NDUFAF6: variants seen among roughly 807,000 people sequenced by gnomAD.
The protein encoded by NDUFAF6 is NADH:ubiquinone oxidoreductase complex assembly factor 6, also known as NADH dehydrogenase (ubiquinone) complex I, assembly factor 6.
NDUFAF6 carries 45 observed loss-of-function variants against 40.8 expected under a neutral mutation model. The observed-to-expected ratio is 1.10, with a 90% CI of 0.87 to 1.42. NDUFAF6 has a LOEUF of 1.42. NDUFAF6 is among the 40% of genes most tolerant of loss of function. The pLI is 0.00. For synonymous variants in NDUFAF6, 185 were observed against 155.9 expected (o/e 1.19, Z -1.39); for missense variants, 435 against 418.5 (o/e 1.04, Z -0.34).
intron 2 of NDUFAF6, among the ~76,000 whole-genome samples, chr8:95,101,671 A>G (rs1018714784): frequency 1.3e-5 from 2 of 152,214 alleles, no homozygotes; most frequent in Admixed American, 6.5e-5. Context: ...TTTTCATATC[A>G]TCCCCTCAGA....
chr8:95,047,508 C>CTTTTTT (rs373655223), intron 6 of NDUFAF6, among the ~76,000 whole-genome samples: 99 of 126,374 alleles, frequency 7.8e-4, no homozygotes, highest in South Asian at 1.3e-3. Context: ...CTTTTCTTTT[C>CTTTTTT]TTTTTTTTTT....
chr8:95,049,030 A>G (rs540361235), intron 7 of NDUFAF6, among the ~76,000 whole-genome samples: 15 of 152,182 alleles, frequency 9.9e-5, no homozygotes, highest in African/African-American at 2.7e-4. Context: ...TTTCTCTCCT[A>G]GGTGAACTCT....
intron 1 of NDUFAF6, among the ~76,000 whole-genome samples, chr8:94,923,589 T>C (rs1819646156): frequency 6.6e-6 from 1 of 152,210 alleles, no homozygotes; most frequent in Admixed American, 6.5e-5. Context: ...TTTCTTCCTG[T>C]ATTTCTTTTG....
At chr8:95,091,704 A>G (rs1451470341) in intron 2 of NDUFAF6, among the ~76,000 whole-genome samples, 1 of 151,416 alleles carries the variant, frequency 6.6e-6, no homozygotes, top group Non-Finnish European at 1.5e-5. Context: ...CAGTGGCGCC[A>G]TCCTGGCTCA....
intron 7 of NDUFAF6, among the ~76,000 whole-genome samples, chr8:95,051,424 A>G (rs1432131312): frequency 6.6e-6 from 1 of 152,220 alleles, no homozygotes; most frequent in South Asian, 2.1e-4. Flanking sequence ...ATGGATGATC[A>G]TAGAGTAATT....
chr8:95,022,576 T>A (rs1390961547), upstream of NDUFAF6, among the ~76,000 whole-genome samples: 1 of 142,684 alleles, frequency 7.0e-6, no homozygotes, highest in Admixed American at 7.2e-5. Context: ...ACCTTCCTAA[T>A]CTTTACCCCT....
At chr8:95,004,939 A>G (rs1018218268) in intron 2 of NDUFAF6, among the ~76,000 whole-genome samples, 1 of 152,150 alleles carries the variant, frequency 6.6e-6, no homozygotes, top group African/African-American at 2.4e-5. Flanking sequence ...GGAAGGGTCA[A>G]AGATAATTCT....
intron 8 of NDUFAF6, 45 bp from the exon 9 acceptor site, chr8:95,057,764 C>G (rs1473912836): frequency 2.2e-6 from 3 of 1,358,980 alleles, no homozygotes; most frequent in Non-Finnish European, 3.0e-6. Context: ...TTTTTTAAGT[C>G]TTGATCATTT....
chr8:95,003,164 A>G lies in NDUFAF6; in HGVS notation c.-84+22191A>G, dbSNP rs973578243. On this transcript the variant is annotated intron_variant, in intron 2 of 9. Coordinates refer to the NDUFAF6 transcript ENST00000396111. ...ATCCACAATGAATGAAGGAGGGGCA[A>G]TTCTCTAACTACAGGTTGCAACTGG... Among the ~76,000 whole-genome samples, 8 of 152,214 alleles carry G rather than the reference A, an allele frequency of 5.3e-5. 1 individual carries two copies. Among genetic ancestry groups the G allele is most frequent in the African/African-American group, 1.9e-4 (8 of 41,468 alleles).
chr8:95,020,584 C>G (rs866000726), upstream of NDUFAF6, among the ~76,000 whole-genome samples: 100 of 152,334 alleles, frequency 6.6e-4, no homozygotes, highest in African/African-American at 2.3e-3. Context: ...ACACCAGCCC[C>G]TCTTGCTCCC....
intron 8 of NDUFAF6, among the ~76,000 whole-genome samples, chr8:95,056,736 C>T (rs1832205709): frequency 6.6e-6 from 1 of 151,820 alleles, no homozygotes. Flanking sequence ...GAAACCCTGT[C>T]TCTACTAAAA....
chr8:95,001,695 A>G (rs1273117247), intron 2 of NDUFAF6, among the ~76,000 whole-genome samples: 4 of 152,214 alleles, frequency 2.6e-5, no homozygotes, highest in Non-Finnish European at 4.4e-5. Context: ...TTCTGCTTCA[A>G]TTTGGCTGTC....
chr8:94,947,385 C>A (rs1038099362), intron 2 of NDUFAF6, among the ~76,000 whole-genome samples: 17 of 151,972 alleles, frequency 1.1e-4, no homozygotes, highest in African/African-American at 3.9e-4. Context: ...GCTAAACGTA[C>A]CGTCATTGAA....
At chr8:95,081,753 T>G (rs930357933) in intron 2 of NDUFAF6, among the ~76,000 whole-genome samples, 1 of 152,204 alleles carries the variant, frequency 6.6e-6, no homozygotes, top group African/African-American at 2.4e-5. Context: ...ATTTTATCCA[T>G]GCATCTTAGT....
At chr8:94,955,121 A>G (rs1388806013), upstream of NDUFAF6, among the ~76,000 whole-genome samples, 2 of 152,250 alleles carry the variant, frequency 1.3e-5, no homozygotes, top group Non-Finnish European at 1.5e-5. Flanking sequence ...CGGAGAGACA[A>G]TAAAGGCAGA....
downstream of NDUFAF6, among the ~76,000 whole-genome samples, chr8:95,117,330 A>G (rs900075616): frequency 3.9e-5 from 6 of 152,204 alleles, no homozygotes; most frequent in African/African-American, 1.4e-4. Context: ...CTGAGGAGTG[A>G]GAGTGGATTT....
At chr8:94,947,412 A>T (rs1405194813) in intron 2 of NDUFAF6, among the ~76,000 whole-genome samples, 2 of 152,180 alleles carry the variant, frequency 1.3e-5, no homozygotes, top group African/African-American at 4.8e-5. Flanking sequence ...CTTCAGAATT[A>T]TCCTTCTTTT....
intron 1 of NDUFAF6, among the ~76,000 whole-genome samples, chr8:94,938,825 T>G (rs1046834945): frequency 1.3e-5 from 2 of 152,190 alleles, no homozygotes; most frequent in African/African-American, 4.8e-5. Context: ...AGCAAATTAA[T>G]CAAACCCAAG....
At chr8:95,023,771 G>A (rs142873767), upstream of NDUFAF6, among the ~76,000 whole-genome samples, 1,107 of 152,166 alleles carry the variant, frequency 7.3e-3, 16 homozygotes, top group African/African-American at 0.025. Context: ...TGAGGTGGGC[G>A]GATCATGAGG....
Sources: gnomAD v4.1 joint callset for allele counts (sites outside exome capture counted in the v4.1 genomes callset) on GRCh38, gnomAD v4.1.1 for gene constraint, MANE v1.5 for transcripts, NCBI Gene and HGNC (gene_info 2026-07-23, HGNC 2026-07-21) for gene names.